IDO2: variants seen among roughly 807,000 people sequenced by gnomAD.
IDO2 encodes indoleamine 2,3-dioxygenase-like 1 protein.
In IDO2, 46 loss-of-function variants were observed where a neutral mutation model predicts 45.1. That is an observed-to-expected ratio of 1.02 (90% CI 0.80 to 1.30). The LOEUF is 1.30. Among genes scored for constraint, IDO2 ranks in the 50% most tolerant of loss-of-function variants. IDO2 has a pLI of 0.00. For synonymous variants in IDO2, 218 were observed against 184.9 expected, an observed-to-expected ratio of 1.18 and a Z score of -1.45; for missense variants, 544 against 491.8, an observed-to-expected ratio of 1.11 and a Z score of -1.00.
chr8:39,972,868 C>A (rs1053280133), intron 3 of IDO2, among the ~76,000 whole-genome samples: 1 of 152,050 alleles, frequency 6.6e-6, no homozygotes, highest in Admixed American at 6.6e-5. Flanking sequence ...CATATTTTAG[C>A]AATAAAGTAC....
intron 3 of IDO2, among the ~76,000 whole-genome samples, 165 bp from the exon 4 acceptor site, chr8:39,978,902 C>T (rs554765058): frequency 6.6e-6 from 1 of 152,250 alleles, no homozygotes; most frequent in African/African-American, 2.4e-5. Context: ...GGTCCTGGGT[C>T]TGGGGATAAA....
chr8:39,951,026 T>TCAAAACAAAACAAAA (rs71237202), intron 2 of IDO2, among the ~76,000 whole-genome samples: 52,585 of 147,352 alleles, frequency 0.36, 11,179 homozygotes, highest in Non-Finnish European at 0.47. Context: ...GAAACTCGTC[T>TCAAAACAAAACAAAA]CAAAACAAAA....
chr8:39,956,359 G>A (rs937326844), intron 2 of IDO2, among the ~76,000 whole-genome samples: 1 of 152,144 alleles, frequency 6.6e-6, no homozygotes, highest in African/African-American at 2.4e-5. Flanking sequence ...ACCACACGCA[G>A]CCAATTAGAT....
intron 9 of IDO2, among the ~76,000 whole-genome samples, chr8:40,007,177 C>G (rs892479762): frequency 2.0e-5 from 3 of 151,514 alleles, no homozygotes; most frequent in Admixed American, 6.6e-5. Flanking sequence ...ATCTTATTAA[C>G]TAGGAGACAC....
intron 1 of IDO2, 140 bp from the exon 2 acceptor site, chr8:39,949,009 A>G (rs1212001901): frequency 4.6e-6 from 5 of 1,087,002 alleles, no homozygotes; most frequent in Non-Finnish European, 5.1e-6. Flanking sequence ...GAGAAAGTCC[A>G]TGATGATCTG....
At chr8:40,012,241 G>C (rs557094109) in intron 9 of IDO2, among the ~76,000 whole-genome samples, 1 of 152,228 alleles carries the variant, frequency 6.6e-6, no homozygotes, top group African/African-American at 2.4e-5. Flanking sequence ...TGGATCTGCT[G>C]TTTAAACTCA....
At chr8:39,967,030 A>T (rs1167001080) in intron 3 of IDO2, among the ~76,000 whole-genome samples, 1 of 152,210 alleles carries the variant, frequency 6.6e-6, no homozygotes. Context: ...AACCACACAC[A>T]TCCCAGAACT....
rs537272564 is a variant in IDO2, at chr8:39,969,253, T to G, written c.195+5550T>G. ...AGTGTGTACGCATTTGGTGTCTGTG[T>G]GTCATATTTTGATAATTATAACAAT... On this transcript the variant is annotated intron_variant, in intron 3 of 10. Transcript: ENST00000502986. Among the ~76,000 whole-genome samples the G allele has an allele frequency of 1.6e-4, 25 of 152,240 alleles. 1 individual carries two copies. Among genetic ancestry groups the G allele is most frequent in the Non-Finnish European group, 3.4e-4 (23 of 68,044 alleles).
chr8:40,000,964 G>T (rs1802125710), intron 8 of IDO2, among the ~76,000 whole-genome samples: 1 of 152,028 alleles, frequency 6.6e-6, no homozygotes, highest in South Asian at 2.1e-4. Flanking sequence ...GTTTTACTTT[G>T]CATTTCTCTG....
At chr8:39,976,364 T>C (rs750101808) in intron 3 of IDO2, among the ~76,000 whole-genome samples, 14 of 152,072 alleles carry the variant, frequency 9.2e-5, no homozygotes, top group Non-Finnish European at 1.9e-4. Flanking sequence ...ATTCAACAAA[T>C]AGATACTCTC....
Position 39,985,041 on chromosome 8 carries a change from C to G in IDO2, c.435-467C>G, listed in dbSNP as rs372226845. On this transcript the variant is annotated intron_variant, in intron 5 of 10. Coordinates refer to ENST00000502986, the Ensembl canonical transcript of IDO2. ...CTGCCTCCTGGGTTTGAGCAATTCTCCTGCCTCAGCCTCCTGAGTAGCTGG... is the reference window on the plus strand; with the variant it reads ...CTGCCTCCTGGGTTTGAGCAATTCTGCTGCCTCAGCCTCCTGAGTAGCTGG... The G allele has an allele frequency of 3.0e-4, 99 of 325,094 alleles. 1 individual carries two copies. Among genetic ancestry groups the G allele is most frequent in the Middle Eastern group, 2.2e-3 (2 of 906 alleles). The allele number at this position is 325,094 out of a possible 1,614,324, so 20.1% of individuals were successfully genotyped here.
At chr8:40,005,421 C>T in intron 9 of IDO2, 43 bp downstream of exon 9, 1 of 1,300,362 alleles carries the variant, frequency 7.7e-7, no homozygotes, top group Non-Finnish European at 1.1e-6. Flanking sequence ...GTCTCTGTAG[C>T]ATTGACTGAA....
chr8:39,998,632 C>A (rs878995464), intron 8 of IDO2: 3 of 96,954 alleles, frequency 3.1e-5, no homozygotes, highest in Non-Finnish European at 6.4e-5. Context: ...TGCTTTTTTT[C>A]TTCTTCTTTT....
intron 3 of IDO2, among the ~76,000 whole-genome samples, chr8:39,972,423 A>G (rs560074603): frequency 6.6e-6 from 1 of 152,128 alleles, no homozygotes; most frequent in Admixed American, 6.5e-5. Context: ...CTTGGCCAAC[A>G]TGATGAAATA....
At chr8:40,010,024 C>A (rs1219765728) in intron 9 of IDO2, among the ~76,000 whole-genome samples, 1 of 120,210 alleles carries the variant, frequency 8.3e-6, no homozygotes, top group African/African-American at 3.3e-5. Flanking sequence ...CTGGAGCTTA[C>A]ATTTCAATGC....
chr8:39,972,519 A>T (rs1230236835), intron 3 of IDO2, among the ~76,000 whole-genome samples: 2 of 144,678 alleles, frequency 1.4e-5, no homozygotes, highest in Non-Finnish European at 3.0e-5. Flanking sequence ...CTGAAGCAGG[A>T]GAATTGCTTT....
intron 2 of IDO2, among the ~76,000 whole-genome samples, chr8:39,953,009 C>A (rs1037225333): frequency 1.1e-4 from 16 of 151,830 alleles, no homozygotes; most frequent in African/African-American, 3.9e-4. Flanking sequence ...CTCAGGTGAT[C>A]CACCCTCCTT....
intron 3 of IDO2, among the ~76,000 whole-genome samples, chr8:39,966,906 C>T (rs1030283273): frequency 6.6e-6 from 1 of 152,086 alleles, no homozygotes; most frequent in African/African-American, 2.4e-5. Context: ...GACCAATGGC[C>T]TCCAATAAAT....
At position 39,981,517 on chromosome 8, in the gene IDO2, G is replaced by C. The variant is rs577063972; in HGVS notation, c.316-1135G>C. 5.9e-3 allele frequency among the ~76,000 whole-genome samples: 905 copies of C among 152,164 alleles called. 4 individuals are homozygous for C. Among genetic ancestry groups the C allele is most frequent in the Middle Eastern group, 0.01 (3 of 294 alleles). ...AAAGAAGTCTCCACCTCCCAGCTGTGCCCTGGTAGTTCCAGGGGACCCGGA... is the reference window on the plus strand; with the variant it reads ...AAAGAAGTCTCCACCTCCCAGCTGTCCCCTGGTAGTTCCAGGGGACCCGGA... On this transcript the variant is annotated intron_variant, in intron 4 of 10. Transcript: ENST00000502986.
Sources: allele counts gnomAD v4.1 joint callset (sites outside exome capture counted in the v4.1 genomes callset), GRCh38; gene constraint gnomAD v4.1.1; transcripts MANE v1.5; gene names NCBI Gene and HGNC (gene_info 2026-07-23, HGNC 2026-07-21).